Variants in ZNF699 observed in about 807,000 individuals in gnomAD.
ZNF699 encodes hangover homolog.
ZNF699 carries 18 observed loss-of-function variants against 22.5 expected under a neutral mutation model. The observed-to-expected ratio is 0.80, with a 90% CI of 0.55 to 1.19. ZNF699 has a LOEUF of 1.19. Among genes scored for constraint, ZNF699 ranks in the 50% most tolerant of loss-of-function variants. ZNF699 has a pLI of 0.00. For missense variants in ZNF699, 670 were observed against 763.4 expected (o/e 0.88, Z 1.44); for synonymous variants, 241 against 262.3 (o/e 0.92, Z 0.78).
chr19:9,297,322 C>T lies in ZNF699; in HGVS notation c.444G>A (p.Gln148=). The T allele has an allele frequency of 1.3e-6, 2 of 1,597,366 alleles. No individual in the cohort carries two copies. Among genetic ancestry groups the T allele is most frequent in the Non-Finnish European group, 1.7e-6 (2 of 1,176,892 alleles). ...TCAAATGTCTCTCATGGCTTTTGTT[C>T]TGATAATCAATACCACAGGACTCCT... ...ENQESCGIDY[Q]NKSHERHLRN... is the part of the protein sequence containing the mutation. Residue 148 remains glutamine, a synonymous_variant, in exon 5 of 6, where the codon CAG becomes CAA. Transcript: ENST00000591998. This position sits in a 1 kb window ranked among gnomAD's most constrained non-coding sequence, Gnocchi z 4.3.
chr19:9,295,065 C>T lies in ZNF699; in HGVS notation c.*410G>A, dbSNP rs748426445. 30 of 168,622 alleles carry T rather than the reference C, an allele frequency of 1.8e-4. No homozygotes were observed. The highest frequency in any genetic ancestry group is 3.4e-4 in the Non-Finnish European group (27 of 79,174). The allele number at this position is 168,622 out of a possible 1,614,324, so 10.4% of individuals were successfully genotyped here. A position where few individuals can be genotyped will look rare whatever the true frequency, so the allele number is the denominator to read the frequency against. ...TGCTGCCTATACAGAAAAAATATTT[C>T]GTGTCCTCCATGATCCAAAAGATTT... On this transcript the variant is annotated 3_prime_UTR_variant, in exon 6 of 6. Coordinates refer to ENST00000591998, the MANE Select transcript of ZNF699 (RefSeq NM_198535.3).
chr19:9,295,546 A>G lies in ZNF699; in HGVS notation c.1858T>C (p.Cys620Arg). The change falls in exon 6 of 6, where the codon TGT (cysteine) becomes CGT (arginine). Residue 620 changes from cysteine to arginine, a missense_variant. By Grantham distance (180) the Cys-to-Arg change is radical. Transcript: ENST00000591998. ...TGEKPYECKE[C>R]GKAFVCPAYF... ...GCAGGACAAACAAAGGCTTTCCCAC[A>G]TTCCTTACATTCATAGGGTTTCTCT... 4 of 1,614,116 alleles carry G rather than the reference A, an allele frequency of 2.5e-6. No individual in the cohort carries two copies. The highest frequency in any genetic ancestry group is 3.4e-6 in the Non-Finnish European group (4 of 1,179,974).
chr19:9,296,917 T>C lies in ZNF699; in HGVS notation c.487A>G (p.Asn163Asp), dbSNP rs770489061. Reference sequence around the variant, plus strand: ...TTTTCTTCATAACATTCATAGATGTTCTCTACCATATGATTTCTTTTAAAA... The same window carrying C: ...TTTTCTTCATAACATTCATAGATGTCCTCTACCATATGATTTCTTTTAAAA... The part of the protein sequence containing the change: ...ERHLRNHMVE[N>D]IYECYEENQD... Residue 163 changes from asparagine to aspartate, a missense_variant, in exon 6 of 6, where the codon AAC (asparagine) becomes GAC (aspartate). Asn to Asp is a conservative substitution (Grantham distance 23, BLOSUM62 1). Transcript: ENST00000591998. 1.9e-6 allele frequency: 3 copies of C among 1,601,618 alleles called. No individual in the cohort carries two copies. The African/African-American group carries it at 4.0e-5, about 22-fold the overall frequency.
rs1047469189 is a variant in ZNF699 at position 9,297,260 on chromosome 19, C to T, written c.470+36G>A. 1.3e-6 allele frequency: 2 copies of T among 1,545,618 alleles called. No homozygotes were observed. Among genetic ancestry groups the T allele is most frequent in the Non-Finnish European group, 1.7e-6 (2 of 1,153,778 alleles). ...ATGACTTTAATTTTAAGATTCTCTC[C>T]TGAGGCACTTTCTCTTTCTCACGAA... On this transcript the variant is annotated intron_variant, in intron 5 of 5. Coordinates refer to ENST00000591998, the MANE Select transcript of ZNF699 (RefSeq NM_198535.3). The surrounding 1 kb of genome is among the most constrained non-coding windows in gnomAD (Gnocchi z 4.3).
chr19:9,304,639 C>G (rs905726631), intron 2 of ZNF699, among the ~76,000 whole-genome samples: 3 of 152,134 alleles, frequency 2.0e-5, no homozygotes, highest in Non-Finnish European at 4.4e-5. Flanking sequence ...AGAAACACTA[C>G]GGCCGGCCGG....
Position 9,304,816 on chromosome 19 carries a change from G to A in ZNF699, c.48+256C>T, listed in dbSNP as rs555238323. On this transcript the variant is annotated intron_variant, in intron 2 of 5. Coordinates refer to ENST00000591998, the MANE Select transcript of ZNF699 (RefSeq NM_198535.3). ...TGCATGCCTGTAGTCCCAGCCACTCGGGAGGCTGAGGCAGGAGAATCGGTT... is the reference window on the plus strand; with the variant it reads ...TGCATGCCTGTAGTCCCAGCCACTCAGGAGGCTGAGGCAGGAGAATCGGTT... Among the ~76,000 whole-genome samples, 40 of 152,016 alleles carry A rather than the reference G, an allele frequency of 2.6e-4. No individual in the cohort carries two copies. The South Asian group carries it at 6.2e-3, about 24-fold the overall frequency.
intron 1 of ZNF699, 136 bp from the exon 2 acceptor site, chr19:9,305,260 A>AACAC (rs1465683449): frequency 1.8e-5 from 12 of 650,952 alleles, no homozygotes; most frequent in African/African-American, 1.7e-4. Flanking sequence ...CTCCCCTCAA[A>AACAC]ACACATACAC....
Position 9,293,094 on chromosome 19 carries a change from C to A in ZNF699, c.*2381G>T. 7.0e-6 allele frequency among the ~76,000 whole-genome samples: 1 copy of A among 142,668 alleles called. No homozygotes were observed. The highest frequency in any genetic ancestry group is 2.7e-5 in the African/African-American group (1 of 37,592). The allele number at this position is 142,668 out of a possible 152,430, so 93.6% of individuals were successfully genotyped here. On this transcript the variant is annotated 3_prime_UTR_variant, in exon 6 of 6. Transcript: ENST00000591998. ...GAGATTGCAGTGAGCAAGATCACGC[C>A]ACTGCACTCCAACCTGGGCACAAGA... is the stretch of plus-strand genomic sequence containing the variant.
Position 9,295,366 on chromosome 19 carries a change from T to A in ZNF699, c.*109A>T. On this transcript the variant is annotated 3_prime_UTR_variant, in exon 6 of 6. Coordinates refer to ENST00000591998, the MANE Select transcript of ZNF699 (RefSeq NM_198535.3). ...AAGTGTCCTCAAATCTTCAAAACGA[T>A]GAGCAACAATTTCCTACTTTCTTAC... 1 of 1,419,440 alleles carries A rather than the reference T, an allele frequency of 7.0e-7. No individual in the cohort carries two copies. The highest frequency in any genetic ancestry group is 1.4e-5 in the African/African-American group (1 of 70,016). 87.9% of individuals were successfully genotyped at this position (1,419,440 alleles called of 1,614,324 possible).
At chr19:9,305,229 C>A in intron 1 of ZNF699, 105 bp from the exon 2 acceptor site, 1 of 845,126 alleles carries the variant, frequency 1.2e-6, no homozygotes, top group Non-Finnish European at 1.9e-6. Flanking sequence ...GATGTTGCAG[C>A]CCATCAATTA....
chr19:9,305,894 G>A (rs1056009363), intron 1 of ZNF699, among the ~76,000 whole-genome samples: 6 of 151,892 alleles, frequency 4.0e-5, no homozygotes, highest in Non-Finnish European at 8.8e-5. Context: ...AGTAGGGACG[G>A]TGTTTCACCG....
chr19:9,303,551 G>A (rs376241999), intron 2 of ZNF699, among the ~76,000 whole-genome samples: 89 of 152,092 alleles, frequency 5.9e-4, no homozygotes, highest in Non-Finnish European at 8.8e-5. Flanking sequence ...GCCACCCTCC[G>A]GGAACCACCA....
At chr19:9,304,980 C>A in intron 2 of ZNF699, 92 bp downstream of exon 2, 3 of 882,892 alleles carry the variant, frequency 3.4e-6, no homozygotes, top group South Asian at 1.4e-5. Context: ...TGGTCCAATA[C>A]AGAAAGAGAT....
rs1237555499 is a variant in ZNF699 at position 9,295,555 on chromosome 19, A to G, written c.1849T>C (p.Cys617Arg). ...ACAAAGGCTTTCCCACATTCCTTAC[A>G]TTCATAGGGTTTCTCTCCAGTGTGG... is the stretch of plus-strand genomic sequence containing the variant. ...RSHTGEKPYE[C>R]KECGKAFVCP... Residue 617 changes from cysteine to arginine, a missense_variant, in exon 6 of 6, where the codon TGT (cysteine) becomes CGT (arginine). Coordinates refer to ENST00000591998, the MANE Select transcript of ZNF699 (RefSeq NM_198535.3). The G allele has an allele frequency of 6.2e-7, 1 of 1,614,172 alleles. No homozygotes were observed. Among genetic ancestry groups the G allele is most frequent in the African/African-American group, 1.3e-5 (1 of 75,056 alleles).
At position 9,293,658 on chromosome 19, in the gene ZNF699, A is replaced by C. The variant is rs2144972526; in HGVS notation, c.*1817T>G. 6.6e-6 allele frequency among the ~76,000 whole-genome samples: 1 copy of C among 152,316 alleles called. No homozygotes were observed. Among genetic ancestry groups the C allele is most frequent in the Middle Eastern group, 3.4e-3 (1 of 294 alleles). On this transcript the variant is annotated 3_prime_UTR_variant, in exon 6 of 6. Transcript: ENST00000591998. ...GTAATTATCACTGAGAAAGAGGATG[A>C]AGGAACTTCCTAAAGTCTTGGAAAT...
rs776725039 is a variant in ZNF699, at chr19:9,295,879, C to A, written c.1525G>T (p.Gly509Trp). 2 of 1,614,072 alleles carry A rather than the reference C, an allele frequency of 1.2e-6. No individual in the cohort carries two copies. Among genetic ancestry groups the A allele is most frequent in the East Asian group, 4.5e-5 (2 of 44,870 alleles). Residue 509 changes from glycine to tryptophan, a missense_variant, in exon 6 of 6, where the codon GGG becomes TGG. By Grantham distance (184) the Gly-to-Trp change is radical. Coordinates refer to ENST00000591998, the MANE Select transcript of ZNF699 (RefSeq NM_198535.3). Reference sequence around the variant, plus strand: ...TGGGAGGAACTAATAAAGGCTTTCCCACATTCTTTACATTCATACGGCTTC... The same window carrying A: ...TGGGAGGAACTAATAAAGGCTTTCCAACATTCTTTACATTCATACGGCTTC... ...GEKPYECKEC[G>W]KAFISSSHLT...
At chr19:9,299,247 G>A (rs1036446273) in intron 3 of ZNF699, among the ~76,000 whole-genome samples, 1 of 152,192 alleles carries the variant, frequency 6.6e-6, no homozygotes, top group African/African-American at 2.4e-5. Context: ...CCATTCTCCT[G>A]CCTCAGCCTC....
At chr19:9,308,205 C>G (rs768631370) in intron 1 of ZNF699, among the ~76,000 whole-genome samples, 7 of 151,990 alleles carry the variant, frequency 4.6e-5, no homozygotes, top group Non-Finnish European at 8.8e-5. Flanking sequence ...GATCTCATTT[C>G]CTAGGCTCAA....
At chr19:9,300,821 G>A (rs1287168555) in intron 3 of ZNF699, among the ~76,000 whole-genome samples, 1 of 152,176 alleles carries the variant, frequency 6.6e-6, no homozygotes, top group Non-Finnish European at 1.5e-5. Flanking sequence ...GAGCACACAG[G>A]ATTTTTACAG....
Sources: allele counts gnomAD v4.1 joint callset (sites outside exome capture counted in the v4.1 genomes callset), GRCh38; gene constraint gnomAD v4.1.1; non-coding constraint Gnocchi (gnomAD v3.1); transcripts MANE v1.5; gene names NCBI Gene and HGNC (gene_info 2026-07-23, HGNC 2026-07-21).